Variants in LAMB2 observed in about 807,000 individuals in gnomAD.
The protein encoded by LAMB2 is laminin subunit beta-2.
A neutral mutation model predicts 202.7 loss-of-function variants in LAMB2; 119 were observed. The observed-to-expected ratio is 0.59, with a 90% CI of 0.51 to 0.68. LAMB2 has a LOEUF of 0.68. Among genes scored for constraint, LAMB2 ranks in the 30% least tolerant of loss-of-function variants. LAMB2 has a pLI of 0.00. For missense variants in LAMB2, 2,124 were observed against 2,410.6 expected, an observed-to-expected ratio of 0.88 and a Z score of 2.49; for synonymous variants, 818 against 902.2, an observed-to-expected ratio of 0.91 and a Z score of 1.67.
chr3:49,122,553 A>G (rs1324753078), intron 27 of LAMB2, 151 bp downstream of exon 27: 4 of 914,646 alleles, frequency 4.4e-6, no homozygotes, highest in Non-Finnish European at 7.2e-6. Flanking sequence ...ACCTGGGACC[A>G]CATATGGGCA....
At chr3:49,125,716 G>T (rs758478526) in intron 18 of LAMB2, 31 bp downstream of exon 18, 22 of 1,609,866 alleles carry the variant, frequency 1.4e-5, no homozygotes, top group East Asian at 2.2e-5. Context: ...GGAGAGAGAA[G>T]CATAGGAGGG....
chr3:49,130,450 C>T lies in LAMB2; in HGVS notation c.1037-31G>A. ...AGGGGAGGAAGGGCAGGGCAAAGGC[C>T]ACATGAGGAACCAGGTCACAAGGGT... On this transcript the variant is annotated intron_variant, in intron 8 of 31. Transcript: ENST00000305544. The surrounding 1 kb of genome is among the most constrained non-coding windows in gnomAD (Gnocchi z 5.0). 1 of 1,612,776 alleles carries T rather than the reference C, an allele frequency of 6.2e-7. No individual in the cohort carries two copies. The highest frequency in any genetic ancestry group is 8.5e-7 in the Non-Finnish European group (1 of 1,179,182).
At chr3:49,125,526 T>C in intron 18 of LAMB2, 42 bp from the exon 19 acceptor site, 11 of 1,488,502 alleles carry the variant, frequency 7.4e-6, no homozygotes, top group Non-Finnish European at 1.0e-5. Flanking sequence ...GGGGAGGGGG[T>C]CTGAGGGGAG....
At position 49,131,734 on chromosome 3, in the gene LAMB2, G is replaced by A; in HGVS notation, c.460-11C>T. ...AGCAGGGCGAAATGTCTGGGTAGGG[G>A]GGCATAGCTGATCAGCAGGCACCAG... On this transcript the variant is annotated splice_polypyrimidine_tract_variant and intron_variant, in intron 4 of 31. Transcript: ENST00000305544. The surrounding 1 kb of genome is among the most constrained non-coding windows in gnomAD (Gnocchi z 5.0). 2 of 1,612,584 alleles carry A rather than the reference G, an allele frequency of 1.2e-6. No individual in the cohort carries two copies. The highest frequency in any genetic ancestry group is 1.7e-6 in the Non-Finnish European group (2 of 1,179,976).
At chr3:49,126,735 G>C (rs1013495587) in intron 15 of LAMB2, among the ~76,000 whole-genome samples, 1 of 152,146 alleles carries the variant, frequency 6.6e-6, no homozygotes, top group African/African-American at 2.4e-5. Context: ...AGACTCACTG[G>C]AAATACTCAT....
rs1442067204 is a variant in LAMB2, at chr3:49,129,160, G to A, written c.1599-8C>T. 1 of 1,614,100 alleles carries A rather than the reference G, an allele frequency of 6.2e-7. No individual in the cohort carries two copies. The highest frequency in any genetic ancestry group is 8.5e-7 in the Non-Finnish European group (1 of 1,180,044). On this transcript the variant is annotated splice_polypyrimidine_tract_variant and splice_region_variant and intron_variant, in intron 12 of 31. Transcript: ENST00000305544. The surrounding 1 kb of genome is among the most constrained non-coding windows in gnomAD (Gnocchi z 6.1). The stretch of plus-strand genomic sequence containing the variant: ...CCTGTGCCCTCATCACACCTGGAGG[G>A]AACTCTGTGGTTACTCAAGAAGAAC...
At position 49,121,356 on chromosome 3, in the gene LAMB2, T is replaced by C; in HGVS notation, c.5267A>G (p.Glu1756Gly). The change falls in exon 32 of 32, where the codon GAA (glutamate) becomes GGA (glycine). Residue 1756 changes from glutamate to glycine, a missense_variant. Glu to Gly is a moderately conservative substitution (Grantham distance 98). This residue lies in a region of LAMB2 where 1,702 missense variants were observed against 1,896.3 expected (regional missense o/e 0.90). Transcript: ENST00000305544. ...QDKLQRLQEL[E>G]GTYEENERAL... ...CCGCTCATTTTCCTCATAGGTGCCT[T>C]CCAATTCTAGGAAGGGCAGGTGTCA... is the stretch of plus-strand genomic sequence containing the variant. The C allele has an allele frequency of 6.2e-7, 1 of 1,614,132 alleles. No individual in the cohort carries two copies. The highest frequency in any genetic ancestry group is 1.7e-5 in the Admixed American group (1 of 60,022).
chr3:49,128,749 C>T lies in LAMB2; in HGVS notation c.1802G>A (p.Arg601Gln), dbSNP rs760060166. 27 of 1,614,006 alleles carry T rather than the reference C, an allele frequency of 1.7e-5. No individual in the cohort carries two copies. The Admixed American group carries it at 2.7e-4, about 16-fold the overall frequency. The change falls in exon 14 of 32, where the codon CGG becomes CAG. Residue 601 changes from arginine (R) to glutamine (Q), a missense_variant. Transcript: ENST00000305544. Reference sequence around the variant, plus strand: ...CTCCAGGGTCTGACCTTCCTGTAGCCGCACGAAGCCTGAGCCAGTCCAGGA... The same window carrying T: ...CTCCAGGGTCTGACCTTCCTGTAGCTGCACGAAGCCTGAGCCAGTCCAGGA... ...TPSWTGSGFV[R>Q]LQEGQTLEFL... is the part of the protein sequence containing the mutation.
Position 49,131,598 on chromosome 3 carries a change from C to T in LAMB2, c.585G>A (p.Arg195=). Residue 195 remains arginine, a synonymous_variant, in exon 5 of 32, where the codon CGG becomes CGA. Transcript: ENST00000305544. This position sits in a 1 kb window ranked among gnomAD's most constrained non-coding sequence, Gnocchi z 5.0. ...DFPGVPLAPP[R]HWDDVVCESR... ...ACTCACAGACTACATCATCCCAGTG[C>T]CGTGGGGGTGCTAGTGGGACTCCTG... 2 of 1,613,818 alleles carry T rather than the reference C, an allele frequency of 1.2e-6. No homozygotes were observed. The highest frequency in any genetic ancestry group is 1.7e-6 in the Non-Finnish European group (2 of 1,180,012).
At position 49,131,663 on chromosome 3, in the gene LAMB2, C is replaced by T. The variant is rs1306073741; in HGVS notation, c.520G>A (p.Val174Met). The T allele has an allele frequency of 3.1e-6, 5 of 1,613,668 alleles. No individual in the cohort carries two copies. Among genetic ancestry groups the T allele is most frequent in the South Asian group, 1.1e-5 (1 of 91,084 alleles). The change falls in exon 5 of 32, where the codon GTG becomes ATG. Residue 174 changes from valine (V) to methionine (M), a missense_variant. By Grantham distance (21) the Val-to-Met change is conservative (BLOSUM62 1). Around this residue, in one of 3 missense-constraint regions of LAMB2, gnomAD observed 256 missense variants for 356.1 expected, o/e 0.72. Coordinates refer to ENST00000305544, the MANE Select transcript of LAMB2 (RefSeq NM_002292.4). This position sits in a 1 kb window ranked among gnomAD's most constrained non-coding sequence, Gnocchi z 5.0. ...CAGTCATAGGAGAAATATCGGTACA[C>T]ATGCCAGGTGCGGCCAAAGTCTGCT... is the stretch of plus-strand genomic sequence containing the variant. ...RSADFGRTWH[V>M]YRYFSYDCGA...
Position 49,125,811 on chromosome 3 carries a change from C to T in LAMB2, c.2424G>A (p.Val808=). 6.2e-7 allele frequency: 1 copy of T among 1,614,138 alleles called. No homozygotes were observed. The highest frequency in any genetic ancestry group is 8.5e-7 in the Non-Finnish European group (1 of 1,180,014). The part of the protein sequence containing the change: ...HGGQCLCKPG[V]VGRRCDLCAP... ...CACAGAGGTCACAGCGGCGCCCAACCACTCCAGGCTTGCACAGGCACTGAC... is the reference window on the plus strand; with the variant it reads ...CACAGAGGTCACAGCGGCGCCCAACTACTCCAGGCTTGCACAGGCACTGAC... The change falls in exon 18 of 32, where the codon GTG becomes GTA. Residue 808 remains valine (V), a synonymous_variant. Transcript: ENST00000305544.
rs1193930813 is a variant in LAMB2, at chr3:49,131,484, C to T, written c.649-42G>A. ...TTCATAGTCACACTGGACCTTGCCT[C>T]AGGCCCATCATCCCCAGCTTCCAGC... On this transcript the variant is annotated intron_variant, in intron 5 of 31. Coordinates refer to ENST00000305544, the MANE Select transcript of LAMB2 (RefSeq NM_002292.4). The surrounding 1 kb of genome is among the most constrained non-coding windows in gnomAD (Gnocchi z 5.0). 1.2e-6 allele frequency: 2 copies of T among 1,613,668 alleles called. No homozygotes were observed. Among genetic ancestry groups the T allele is most frequent in the African/African-American group, 1.3e-5 (1 of 74,894 alleles).
intron 15 of LAMB2, among the ~76,000 whole-genome samples, chr3:49,128,105 C>T (rs1268950653): frequency 1.4e-5 from 2 of 142,438 alleles, no homozygotes; most frequent in African/African-American, 5.2e-5. Context: ...TGTAATAAAA[C>T]ATTAATCAGA....
At position 49,124,522 on chromosome 3, in the gene LAMB2, C is replaced by G; in HGVS notation, c.3200G>C (p.Cys1067Ser). 1 of 1,613,838 alleles carries G rather than the reference C, an allele frequency of 6.2e-7. No homozygotes were observed. The highest frequency in any genetic ancestry group is 8.5e-7 in the Non-Finnish European group (1 of 1,180,020). Reference sequence around the variant, plus strand: ...GCTAGGGCCCTGGACATTGGGGAGGCATGGGCACTGCCCACTGCTTGGATC... The same window carrying G: ...GCTAGGGCCCTGGACATTGGGGAGGGATGGGCACTGCCCACTGCTTGGATC... ...HCDPSSGQCP[C>S]LPNVQGPSCD... Residue 1067 changes from cysteine (C) to serine (S), a missense_variant, in exon 22 of 32, where the codon TGC becomes TCC. Cys to Ser is a moderately radical substitution (Grantham distance 112, BLOSUM62 -1). This residue lies in a region of LAMB2 where 1,702 missense variants were observed against 1,896.3 expected (regional missense o/e 0.90). Coordinates refer to ENST00000305544, the MANE Select transcript of LAMB2 (RefSeq NM_002292.4).
chr3:49,131,298 G>T lies in LAMB2; in HGVS notation c.712+81C>A. ...CTGGGCTTGGCACCTGCCCTAGGAA[G>T]CACCCAAAATAGTTACTGAGGCCCC... On this transcript the variant is annotated intron_variant, in intron 6 of 31. Transcript: ENST00000305544. This position sits in a 1 kb window ranked among gnomAD's most constrained non-coding sequence, Gnocchi z 5.0. 1 of 1,531,282 alleles carries T rather than the reference G, an allele frequency of 6.5e-7. No individual in the cohort carries two copies. Among genetic ancestry groups the T allele is most frequent in the Non-Finnish European group, 9.0e-7 (1 of 1,111,716 alleles). 94.9% of individuals were successfully genotyped at this position (1,531,282 alleles called of 1,614,324 possible).
chr3:49,122,039 C>T lies in LAMB2; in HGVS notation c.4828G>A (p.Ala1610Thr), dbSNP rs1365039721. ...EKQKAETVQA[A>T]LEEAQRAQGI... is the part of the protein sequence containing the mutation. ...TGTGCCCGCTGGGCCTCCTCCAGTG[C>T]TGCCTGTACTGTCTCTGCCTTCTGT... Residue 1610 changes from alanine (A) to threonine (T), a missense_variant, in exon 29 of 32, where the codon GCA becomes ACA. Physicochemically the swap from Ala to Thr is moderately conservative, Grantham distance 58. Transcript: ENST00000305544. The T allele has an allele frequency of 6.2e-7, 1 of 1,613,700 alleles. No individual in the cohort carries two copies. The highest frequency in any genetic ancestry group is 8.5e-7 in the Non-Finnish European group (1 of 1,180,024).
rs371384656 is a variant in LAMB2, at chr3:49,125,741, G to A, written c.2488+6C>T. 5 of 1,613,654 alleles carry A rather than the reference G, an allele frequency of 3.1e-6. No homozygotes were observed. The South Asian group carries it at 3.3e-5, about 11-fold the overall frequency. ...GCATAGGAGGGAACAAGGGGCAGAA[G>A]AGTACCTTGACAGCCTGTGGGGCCA... On this transcript the variant is annotated splice_donor_region_variant and intron_variant, in intron 18 of 31. Transcript: ENST00000305544.
chr3:49,130,714 G>A lies in LAMB2; in HGVS notation c.1036+26C>T. On this transcript the variant is annotated intron_variant, in intron 8 of 31. Transcript: ENST00000305544. The surrounding 1 kb of genome is among the most constrained non-coding windows in gnomAD (Gnocchi z 5.0). ...CACAGCCAGGCTGCAGAGTGCTGGA[G>A]CTATGGAGGCCAAGATCTCACTCAC... The A allele has an allele frequency of 1.2e-6, 2 of 1,613,154 alleles. No homozygotes were observed. Among genetic ancestry groups the A allele is most frequent in the East Asian group, 2.2e-5 (1 of 44,884 alleles).
intron 20 of LAMB2, 36 bp from the exon 21 acceptor site, chr3:49,124,961 C>T: frequency 6.2e-7 from 1 of 1,613,940 alleles, no homozygotes; most frequent in Non-Finnish European, 8.5e-7. Flanking sequence ...GAGTGCTCAG[C>T]CCAGCCAACT....
Sources: allele counts gnomAD v4.1 joint callset (sites outside exome capture counted in the v4.1 genomes callset), GRCh38; gene constraint gnomAD v4.1.1; regional missense constraint gnomAD v4.1.1; non-coding constraint Gnocchi (gnomAD v3.1); transcripts MANE v1.5; gene names NCBI Gene and HGNC (gene_info 2026-07-23, HGNC 2026-07-21).